The following RBMS1 variants were observed in gnomAD, a reference collection of about 807,000 sequenced individuals.
RBMS1 encodes the protein RNA-binding motif, single-stranded-interacting protein 1.
RBMS1 carries 17 observed loss-of-function variants against 62.3 expected under a neutral mutation model. The observed-to-expected ratio is 0.27, with a 90% CI of 0.19 to 0.41. The LOEUF (loss-of-function observed/expected upper bound fraction) is 0.41. Among genes scored for constraint, RBMS1 ranks in the 10% least tolerant of loss-of-function variants. The pLI is 1.00. For missense variants in RBMS1, 334 were observed against 504.5 expected, an observed-to-expected ratio of 0.66 and a Z score of 3.24; for synonymous variants, 172 against 170.0, an observed-to-expected ratio of 1.01 and a Z score of -0.09.
intron 2 of RBMS1, among the ~76,000 whole-genome samples, chr2:160,345,765 GC>G (rs1341732598): frequency 6.6e-6 from 1 of 152,108 alleles, no homozygotes; most frequent in Admixed American, 6.5e-5. Context: ...GTTCTGATTG[GC>G]TAGAGTCTGT....
intron 1 of RBMS1, among the ~76,000 whole-genome samples, chr2:160,389,352 T>C (rs375694338): frequency 6.6e-6 from 1 of 152,148 alleles, no homozygotes; most frequent in African/African-American, 2.4e-5. Context: ...TGCTCAAAGA[T>C]ATTAAACAAT....
At chr2:160,324,258 C>T (rs202143464) in intron 2 of RBMS1, among the ~76,000 whole-genome samples, 11 of 146,220 alleles carry the variant, frequency 7.5e-5, no homozygotes, top group Admixed American at 5.4e-4. Context: ...CATGCGTGCG[C>T]GTGCACACAC....
intron 1 of RBMS1, among the ~76,000 whole-genome samples, chr2:160,450,810 A>AT (rs1683951890): frequency 6.6e-6 from 1 of 152,144 alleles, no homozygotes; most frequent in Non-Finnish European, 1.5e-5. Flanking sequence ...CCTGACTTAA[A>AT]TACCTTACTT....
chr2:160,284,662 T>C, intron 9 of RBMS1, 113 bp downstream of exon 9: 1 of 857,830 alleles, frequency 1.2e-6, no homozygotes, highest in Non-Finnish European at 2.0e-6. Flanking sequence ...CCAAGCTGCA[T>C]AATATTTGAC....
chr2:160,279,033 C>T (rs3772071), intron 10 of RBMS1: 109,272 of 159,480 alleles, frequency 0.69, 38,112 homozygotes, highest in East Asian at 0.8. Flanking sequence ...GGTTACAAAA[C>T]GCTTTCTTAA....
At chr2:160,449,019 G>A (rs954859922) in intron 1 of RBMS1, among the ~76,000 whole-genome samples, 12 of 151,390 alleles carry the variant, frequency 7.9e-5, no homozygotes, top group Non-Finnish European at 1.3e-4. Context: ...GTGTCTGCCC[G>A]GCCACCCTGT....
intron 1 of RBMS1, among the ~76,000 whole-genome samples, chr2:160,389,342 T>G (rs1694738528): frequency 6.6e-6 from 1 of 152,184 alleles, no homozygotes; most frequent in Admixed American, 6.5e-5. Flanking sequence ...GAGGTTCCAG[T>G]GCTCAAAGAT....
intron 1 of RBMS1, among the ~76,000 whole-genome samples, chr2:160,478,095 C>A (rs1421994242): frequency 6.6e-6 from 1 of 152,260 alleles, no homozygotes; most frequent in Non-Finnish European, 1.5e-5. Context: ...TGTCTCTCCC[C>A]ATTCTTAAAA....
Position 160,324,882 on chromosome 2 carries a change from G to GTATATATATATATATA in RBMS1, c.252-6671_252-6656dup, listed in dbSNP as rs201492090. Among the ~76,000 whole-genome samples, 851 of 99,944 alleles carry GTATATATATATATATA rather than the reference G, an allele frequency of 8.5e-3. 19 individuals carry two copies. The highest frequency in any genetic ancestry group is 0.014 in the South Asian group (41 of 3,020). The allele number at this position is 99,944 out of a possible 152,430, so 65.6% of individuals were successfully genotyped here. A position where few individuals can be genotyped will look rare whatever the true frequency, so the allele number is the denominator to read the frequency against. On this transcript the variant is annotated intron_variant, in intron 2 of 13. Coordinates refer to ENST00000348849, the MANE Select transcript of RBMS1 (RefSeq NM_016836.4). Reference sequence around the variant, plus strand: ...CTAAGCGAGATGTGTGTGTGTGTGTGTATATATATATATATATATATATAT... The same window carrying GTATATATATATATATA: ...CTAAGCGAGATGTGTGTGTGTGTGTGTATATATATATATATATATATATATATATATATATATATAT...
intron 1 of RBMS1, among the ~76,000 whole-genome samples, chr2:160,388,678 T>C (rs1234345203): frequency 2.0e-5 from 3 of 152,214 alleles, no homozygotes; most frequent in Non-Finnish European, 4.4e-5. Flanking sequence ...TAAAACTGCC[T>C]GCTCTCTGCC....
In RBMS1 at chr2:160,493,497, T is replaced by A. The variant is rs578202933; in HGVS notation, c.-134A>T. ...CGGCGGCTGCTGCTGCTGCCGCTGC[T>A]CCACCTCCCAGCCGGGACCAGACGT... On this transcript the variant is annotated 5_prime_UTR_variant, in exon 1 of 14. Coordinates refer to ENST00000348849, the MANE Select transcript of RBMS1 (RefSeq NM_016836.4). The A allele has an allele frequency of 3.4e-3, 2,480 of 729,812 alleles. 15 individuals are homozygous for A. Among genetic ancestry groups the A allele is most frequent in the Non-Finnish European group, 5.1e-3 (2,136 of 421,148 alleles). 45.2% of individuals were successfully genotyped at this position (729,812 alleles called of 1,614,324 possible).
intron 1 of RBMS1, among the ~76,000 whole-genome samples, chr2:160,460,401 C>T (rs1378187866): frequency 6.6e-6 from 1 of 152,202 alleles, no homozygotes; most frequent in Non-Finnish European, 1.5e-5. Flanking sequence ...CTGGCAACAG[C>T]TCTGCAAAGT....
At chr2:160,324,876 G>GTGTA (rs761160152) in intron 2 of RBMS1, among the ~76,000 whole-genome samples, 20 of 42,498 alleles carry the variant, frequency 4.7e-4, no homozygotes, top group Admixed American at 3.1e-3. Flanking sequence ...ATGTGTGTGT[G>GTGTA]TGTGTGTATA....
chr2:160,366,634 T>C (rs1297933192), intron 2 of RBMS1, among the ~76,000 whole-genome samples: 1 of 152,178 alleles, frequency 6.6e-6, no homozygotes, highest in Non-Finnish European at 1.5e-5. Flanking sequence ...ATAATGCAAA[T>C]TTACTTTGGA....
At chr2:160,414,515 T>C (rs1696146110) in intron 1 of RBMS1, among the ~76,000 whole-genome samples, 1 of 152,216 alleles carries the variant, frequency 6.6e-6, no homozygotes, top group Admixed American at 6.5e-5. Context: ...CATAGATGCT[T>C]ATTTTAGGTC....
At chr2:160,339,404 T>C (rs1691744789) in intron 2 of RBMS1, among the ~76,000 whole-genome samples, 1 of 152,162 alleles carries the variant, frequency 6.6e-6, no homozygotes, top group Admixed American at 6.5e-5. Flanking sequence ...ATGGTAACAA[T>C]GACTTGTTAC....
chr2:160,285,457 C>T lies in RBMS1; in HGVS notation c.757-413G>A, dbSNP rs112971915. Among the ~76,000 whole-genome samples, 939 of 152,234 alleles carry T rather than the reference C, an allele frequency of 6.2e-3. 16 individuals carry two copies. The highest frequency in any genetic ancestry group is 0.02 in the African/African-American group (816 of 41,526). On this transcript the variant is annotated intron_variant, in intron 7 of 13. Transcript: ENST00000348849. Reference sequence around the variant, plus strand: ...ATCAATCTCTCTAGCATACTAGCTACGTTTCAAGTGCTCAGAGAGCCACCT... The same window carrying T: ...ATCAATCTCTCTAGCATACTAGCTATGTTTCAAGTGCTCAGAGAGCCACCT...
chr2:160,477,518 G>A (rs1330933347), intron 1 of RBMS1, among the ~76,000 whole-genome samples: 3 of 151,722 alleles, frequency 2.0e-5, no homozygotes, highest in Non-Finnish European at 2.9e-5. Context: ...ATCCTCCTGC[G>A]TTAGCCTCCA....
At chr2:160,437,013 A>G (rs999807202) in intron 1 of RBMS1, among the ~76,000 whole-genome samples, 1 of 152,222 alleles carries the variant, frequency 6.6e-6, no homozygotes, top group African/African-American at 2.4e-5. Flanking sequence ...GAGCATAGCT[A>G]GAGAAGTCTA....
Sources: allele counts gnomAD v4.1 joint callset (sites outside exome capture counted in the v4.1 genomes callset), GRCh38; gene constraint gnomAD v4.1.1; transcripts MANE v1.5; gene names NCBI Gene and HGNC (gene_info 2026-07-23, HGNC 2026-07-21).